Variants in STK40 observed in about 807,000 individuals in gnomAD.
STK40 encodes the protein serine/threonine-protein kinase 40.
In STK40, 13 loss-of-function variants were observed where a neutral mutation model predicts 47.9. The ratio of observed to expected loss-of-function variants is 0.27; its 90% confidence interval spans 0.18 to 0.43. The LOEUF (loss-of-function observed/expected upper bound fraction) is 0.43, where lower values mean the gene tolerates loss of function less well. Among genes scored for constraint, STK40 ranks in the 20% least tolerant of loss-of-function variants. The pLI is 1.00. For missense variants in STK40, 460 were observed against 595.1 expected (o/e 0.77, Z 2.36); for synonymous variants, 225 against 243.2 (o/e 0.93, Z 0.69).
chr1:36,347,627 T>C (rs1646715337), intron 7 of STK40, among the ~76,000 whole-genome samples: 1 of 151,630 alleles, frequency 6.6e-6, no homozygotes, highest in Non-Finnish European at 1.5e-5. Context: ...ATCAGATCAG[T>C]GGGCAGTAAC....
intron 6 of STK40, among the ~76,000 whole-genome samples, chr1:36,352,240 G>A (rs754605331): frequency 5.9e-5 from 9 of 152,204 alleles, no homozygotes; most frequent in Admixed American, 1.3e-4. Context: ...GTGAGCCCAT[G>A]GGTCCTGTTC....
Position 36,341,859 on chromosome 1 carries a change from G to T in STK40, c.1204C>A (p.Arg402=). ...ACCGGTGGTGCGCTGCCGAACTGCC[G>T]CTTGGGTACCCAGCTCCGGGCGTCA... ...IHDARSWVPK[R]QFGSAPPVRR... is the part of the protein sequence containing the mutation. The change falls in exon 11 of 11, where the codon CGG becomes AGG. Residue 402 remains arginine, a synonymous_variant. Transcript: ENST00000373132. 3 of 1,613,904 alleles carry T rather than the reference G, an allele frequency of 1.9e-6. No homozygotes were observed. Among genetic ancestry groups the T allele is most frequent in the Non-Finnish European group, 2.5e-6 (3 of 1,179,966 alleles).
chr1:36,345,410 C>T (rs1159759311), intron 7 of STK40, among the ~76,000 whole-genome samples: 7 of 152,214 alleles, frequency 4.6e-5, no homozygotes, highest in South Asian at 4.1e-4. Context: ...ATGGCACTGC[C>T]GCCTACAACA....
intron 1 of STK40, among the ~76,000 whole-genome samples, chr1:36,362,007 T>G (rs1485041278): frequency 6.6e-6 from 1 of 152,068 alleles, no homozygotes; most frequent in African/African-American, 2.4e-5. Context: ...CCTCATAAAC[T>G]CAAACTTTTC....
At chr1:36,348,061 G>A (rs1458607674) in intron 7 of STK40, among the ~76,000 whole-genome samples, 1 of 152,258 alleles carries the variant, frequency 6.6e-6, no homozygotes, top group African/African-American at 2.4e-5. Context: ...AAAGTGTCTA[G>A]AACAGAGCTT....
chr1:36,344,299 C>T, intron 7 of STK40, 35 bp from the exon 8 acceptor site: 1 of 1,540,196 alleles, frequency 6.5e-7, no homozygotes. Flanking sequence ...GTCTTCAGGC[C>T]ACAGCACCAC....
At chr1:36,379,177 T>A (rs1647018070) in intron 1 of STK40, among the ~76,000 whole-genome samples, 1 of 152,172 alleles carries the variant, frequency 6.6e-6, no homozygotes, top group Non-Finnish European at 1.5e-5. Flanking sequence ...TTCTATCTCT[T>A]TTGCCAAGTA....
chr1:36,358,597 C>G (rs1646825526), intron 3 of STK40, 140 bp downstream of exon 3: 2 of 1,117,234 alleles, frequency 1.8e-6, no homozygotes, highest in East Asian at 5.1e-5. Context: ...CTGAGGGAGA[C>G]TGTGAACTTG....
At chr1:36,352,805 A>C (rs1646770606) in intron 6 of STK40, among the ~76,000 whole-genome samples, 1 of 152,176 alleles carries the variant, frequency 6.6e-6, no homozygotes, top group South Asian at 2.1e-4. Flanking sequence ...TGGTCAGTAC[A>C]CCATCAGATG....
intron 7 of STK40, among the ~76,000 whole-genome samples, chr1:36,344,902 G>A (rs1646687018): frequency 6.6e-6 from 1 of 152,250 alleles, no homozygotes; most frequent in Non-Finnish European, 1.5e-5. Context: ...ACCCGCTTTA[G>A]GACAGCATGG....
At chr1:36,346,878 C>T (rs543913915) in intron 7 of STK40, among the ~76,000 whole-genome samples, 1 of 152,328 alleles carries the variant, frequency 6.6e-6, no homozygotes, top group East Asian at 1.9e-4. Context: ...GCCCCACTCA[C>T]AGGCTGGGTG....
chr1:36,351,940 G>A (rs1300896052), intron 6 of STK40, among the ~76,000 whole-genome samples: 1 of 152,238 alleles, frequency 6.6e-6, no homozygotes, highest in Non-Finnish European at 1.5e-5. Flanking sequence ...GGGCTCTGCA[G>A]CCAGATGGAT....
intron 1 of STK40, among the ~76,000 whole-genome samples, chr1:36,377,532 C>CAAAAAAAA (rs746089027): frequency 2.8e-5 from 1 of 35,486 alleles, no homozygotes; most frequent in African/African-American, 8.1e-5. Flanking sequence ...GACTCCGTCT[C>CAAAAAAAA]AAAAAAAAAA....
At chr1:36,354,320 C>T (rs758344851) in intron 6 of STK40, 44 bp downstream of exon 6, 2 of 1,610,304 alleles carry the variant, frequency 1.2e-6, no homozygotes, top group East Asian at 4.5e-5. Context: ...GTAGCCTGCC[C>T]CAGCCCCGGG....
chr1:36,366,203 A>G (rs1477144329), intron 1 of STK40: 1 of 152,288 alleles, frequency 6.6e-6, no homozygotes, highest in Non-Finnish European at 1.5e-5. Context: ...TGGTCTAGAC[A>G]ACAGTTTGCA....
At chr1:36,348,627 A>C in intron 7 of STK40, 73 bp downstream of exon 7, 2 of 1,455,420 alleles carry the variant, frequency 1.4e-6, no homozygotes, top group Non-Finnish European at 1.9e-6. Context: ...CTGCCCACAA[A>C]TTTGCTGAGT....
chr1:36,374,106 G>T (rs1468292767), intron 1 of STK40, among the ~76,000 whole-genome samples: 1 of 152,268 alleles, frequency 6.6e-6, no homozygotes, highest in Non-Finnish European at 1.5e-5. Context: ...GCCAGGCAGG[G>T]CCTGAAAGTC....
chr1:36,376,290 G>A (rs1034225911), intron 1 of STK40, among the ~76,000 whole-genome samples: 1 of 152,178 alleles, frequency 6.6e-6, no homozygotes, highest in Admixed American at 6.5e-5. Context: ...TTCATTACCT[G>A]TCTGCTTATA....
intron 1 of STK40, among the ~76,000 whole-genome samples, chr1:36,371,364 C>A (rs1367537342): frequency 1.3e-5 from 2 of 150,504 alleles, no homozygotes; most frequent in Admixed American, 6.6e-5. Flanking sequence ...ACCATCCTGG[C>A]TAACATGGTG....
Sources: gnomAD v4.1 joint callset for allele counts (sites outside exome capture counted in the v4.1 genomes callset) on GRCh38, gnomAD v4.1.1 for gene constraint, MANE v1.5 for transcripts, NCBI Gene and HGNC (gene_info 2026-07-23, HGNC 2026-07-21) for gene names.